Variants in USP37 observed in about 807,000 individuals in gnomAD.
USP37 encodes the protein ubiquitin specific peptidase 37.
A neutral mutation model predicts 124.0 loss-of-function variants in USP37; 27 were observed. The ratio of observed to expected loss-of-function variants is 0.22; its 90% CI spans 0.16 to 0.30. The LOEUF is 0.30. USP37 is among the 10% of genes least tolerant of loss of function. The probability of loss-of-function intolerance (pLI) is 1.00; values close to 1 mark genes in which losing one functional copy is unlikely to be tolerated. For missense variants in USP37, 889 were observed against 1,140.4 expected (o/e 0.78, Z 3.17); for synonymous variants, 365 against 388.0 (o/e 0.94, Z 0.70).
At chr2:218,489,503 C>T (rs953073589) in intron 14 of USP37, among the ~76,000 whole-genome samples, 4 of 151,760 alleles carry the variant, frequency 2.6e-5, no homozygotes, top group African/African-American at 4.8e-5. Context: ...TTTTTTGAGG[C>T]GGAGTTCTGC....
chr2:218,471,751 C>T (rs894157459), intron 20 of USP37, among the ~76,000 whole-genome samples: 5 of 151,982 alleles, frequency 3.3e-5, no homozygotes, highest in Admixed American at 1.3e-4. Context: ...TGGGGCTGGG[C>T]GTGGTGGCTC....
chr2:218,457,419 A>C (rs1198855265), intron 23 of USP37, among the ~76,000 whole-genome samples: 3 of 152,260 alleles, frequency 2.0e-5, no homozygotes, highest in Non-Finnish European at 4.4e-5. Flanking sequence ...AGCTGGAACC[A>C]ACAATATATC....
At chr2:218,488,990 T>A (rs574135505) in intron 14 of USP37, among the ~76,000 whole-genome samples, 4 of 152,004 alleles carry the variant, frequency 2.6e-5, no homozygotes, top group Non-Finnish European at 2.9e-5. Context: ...AAGTATAACA[T>A]AACATACAAA....
chr2:218,528,584 C>A lies in USP37; in HGVS notation c.863+1372G>T, dbSNP rs1175471531. On this transcript the variant is annotated intron_variant, in intron 10 of 25. Transcript: ENST00000258399. ...TGATGGTTTTCAGCTTCATCCATGT[C>A]TCTGCAAAGGACATGAACTCATCCA... 1.3e-5 allele frequency: 5 copies of A among 392,816 alleles called. No individual in the cohort carries two copies. The East Asian group carries it at 1.5e-4, about 11-fold the overall frequency. The allele number at this position is 392,816 out of a possible 1,614,324, so 24.3% of individuals were successfully genotyped here.
intron 4 of USP37, 71 bp from the exon 5 acceptor site, chr2:218,553,795 T>C (rs2106052589): frequency 2.2e-6 from 3 of 1,377,454 alleles, no homozygotes; most frequent in Middle Eastern, 2.2e-4. Context: ...GTATAATAAA[T>C]ACTAAACTTT....
chr2:218,461,026 T>C (rs755082540), intron 22 of USP37, among the ~76,000 whole-genome samples: 1 of 152,120 alleles, frequency 6.6e-6, no homozygotes, highest in Non-Finnish European at 1.5e-5. Context: ...AAATTTCACG[T>C]AAGATATACT....
chr2:218,545,001 A>G lies in USP37; in HGVS notation c.680+1220T>C, dbSNP rs78709817. 2.9e-3 allele frequency among the ~76,000 whole-genome samples: 439 copies of G among 152,302 alleles called. 8 individuals are homozygous for G. Among genetic ancestry groups the G allele is most frequent in the East Asian group, 0.023 (120 of 5,184 alleles). On this transcript the variant is annotated intron_variant, in intron 8 of 25. Transcript: ENST00000258399. ...CCGCACCCAGAGAGAAAGATCACTC[A>G]AAGATCCTAGACTCTGAGCTGGATA... is the stretch of plus-strand genomic sequence containing the variant.
intron 11 of USP37, among the ~76,000 whole-genome samples, chr2:218,501,225 A>G (rs891597211): frequency 6.6e-6 from 1 of 151,742 alleles, no homozygotes; most frequent in African/African-American, 2.4e-5. Flanking sequence ...TTTTTTGTAG[A>G]GACAGAATTT....
At chr2:218,546,076 C>CT (rs1383742809) in intron 8 of USP37, 145 bp downstream of exon 8, 8 of 658,340 alleles carry the variant, frequency 1.2e-5, no homozygotes, top group African/African-American at 7.4e-5. Flanking sequence ...CTACAGTCTA[C>CT]TGTCACCAAA....
chr2:218,552,463 C>A (rs1435274640), intron 5 of USP37, among the ~76,000 whole-genome samples: 1 of 152,020 alleles, frequency 6.6e-6, no homozygotes, highest in Admixed American at 6.6e-5. Flanking sequence ...ACCTGTAATC[C>A]CAGCACTTTG....
intron 11 of USP37, among the ~76,000 whole-genome samples, chr2:218,507,211 G>A (rs1689728877): frequency 6.6e-6 from 1 of 151,934 alleles, no homozygotes; most frequent in Non-Finnish European, 1.5e-5. Flanking sequence ...CCAGGCTGGA[G>A]TAGAGTGGTG....
chr2:218,510,176 A>C (rs1452160313), intron 10 of USP37, 36 bp from the exon 11 acceptor site: 5 of 1,583,682 alleles, frequency 3.2e-6, no homozygotes, highest in Non-Finnish European at 4.3e-6. Context: ...AAGCAAAATA[A>C]ATTTTTGAAT....
At chr2:218,522,170 A>C (rs1218593353) in intron 10 of USP37, among the ~76,000 whole-genome samples, 1 of 151,502 alleles carries the variant, frequency 6.6e-6, no homozygotes. Flanking sequence ...GAGTCACCAC[A>C]CCGCACCAAC....
In USP37 at chr2:218,452,497, AAGG is replaced by A. The variant is rs1325697295; in HGVS notation, c.*2430_*2432del. On this transcript the variant is annotated 3_prime_UTR_variant, in exon 26 of 26. Coordinates refer to ENST00000258399, the MANE Select transcript of USP37 (RefSeq NM_020935.3). ...AAGAAGTAGATTAAAGGAGTAAAGGAAGGAGAAGGCTGATAGGGCCACAAGAAT... is the reference window on the plus strand; with the variant it reads ...AAGAAGTAGATTAAAGGAGTAAAGGAAGAAGGCTGATAGGGCCACAAGAAT... 1 of 152,236 alleles carries A rather than the reference AAGG, an allele frequency of 6.6e-6. No individual in the cohort carries two copies. Among genetic ancestry groups the A allele is most frequent in the Non-Finnish European group, 1.5e-5 (1 of 68,044 alleles). The allele number at this position is 152,236 out of a possible 1,614,324, so 9.4% of individuals were successfully genotyped here.
intron 1 of USP37, among the ~76,000 whole-genome samples, chr2:218,565,165 C>T (rs184982959): frequency 1.6e-4 from 24 of 152,286 alleles, no homozygotes; most frequent in Non-Finnish European, 2.5e-4. Flanking sequence ...TCAAGCGATC[C>T]GCCCACCTTG....
intron 22 of USP37, among the ~76,000 whole-genome samples, chr2:218,462,690 T>A (rs1690077868): frequency 6.6e-6 from 1 of 152,128 alleles, no homozygotes; most frequent in South Asian, 2.1e-4. Context: ...TAGATTGTTC[T>A]TGCTAATTTT....
At chr2:218,514,216 C>G (rs189499074) in intron 10 of USP37, 2 of 152,228 alleles carry the variant, frequency 1.3e-5, no homozygotes, top group Non-Finnish European at 1.5e-5. Flanking sequence ...ATGACCAAAA[C>G]CAGGAAATTA....
intron 20 of USP37, among the ~76,000 whole-genome samples, chr2:218,467,510 G>T (rs7607836): frequency 6.6e-6 from 1 of 152,048 alleles, no homozygotes; most frequent in Non-Finnish European, 1.5e-5. Context: ...CACCACGCCC[G>T]GCTAATTTTT....
intron 2 of USP37, among the ~76,000 whole-genome samples, chr2:218,561,610 A>G (rs557588810): frequency 6.6e-6 from 1 of 151,542 alleles, no homozygotes; most frequent in Admixed American, 6.6e-5. Flanking sequence ...GTGAGCCGAG[A>G]TCATACCACT....
Sources: gnomAD v4.1 joint callset for allele counts (sites outside exome capture counted in the v4.1 genomes callset) on GRCh38, gnomAD v4.1.1 for gene constraint, MANE v1.5 for transcripts, NCBI Gene and HGNC (gene_info 2026-07-23, HGNC 2026-07-21) for gene names.